TRIM37: variants seen among roughly 807,000 people sequenced by gnomAD.
The protein encoded by TRIM37 is E3 ubiquitin-protein ligase TRIM37.
TRIM37 carries 80 observed loss-of-function variants against 129.8 expected under a neutral mutation model. That is an observed-to-expected ratio of 0.62 (90% CI 0.51 to 0.74). TRIM37 has a LOEUF of 0.74. Among genes scored for constraint, TRIM37 ranks in the 30% least tolerant of loss-of-function variants. The pLI, the probability that TRIM37 is intolerant of heterozygous loss-of-function variation, is 0.00. For synonymous variants in TRIM37, 389 were observed against 387.1 expected, an observed-to-expected ratio of 1.00 and a Z score of -0.06; for missense variants, 1,054 against 1,176.5, an observed-to-expected ratio of 0.90 and a Z score of 1.52.
At chr17:59,091,449 TAATATATA>T (rs2044302764) in intron 2 of TRIM37, 109 bp from the exon 3 acceptor site, 1 of 206,598 alleles carries the variant, frequency 4.8e-6, no homozygotes, top group South Asian at 1.1e-4. Flanking sequence ...TTAATATATA[TAATATATA>T]AATATATAAT....
Position 59,095,387 on chromosome 17 carries a change from G to T in TRIM37, c.124-4047C>A, listed in dbSNP as rs2044752851. Among the ~76,000 whole-genome samples the T allele has an allele frequency of 3.3e-5, 5 of 151,954 alleles. No homozygotes were observed. In the South Asian group the frequency reaches 1.0e-3, roughly 32 times the overall value. ...GGTTCATTGGATTTAGCAAAACTGA[G>T]TCTACACTTTGCAGGAGCTATGTGA... is the stretch of plus-strand genomic sequence containing the variant. On this transcript the variant is annotated intron_variant, in intron 2 of 23. Transcript: ENST00000262294.
chr17:59,103,659 T>C (rs1479813934), intron 2 of TRIM37, among the ~76,000 whole-genome samples: 34 of 149,916 alleles, frequency 2.3e-4, no homozygotes, highest in Admixed American at 2.3e-3. Context: ...AGTTTTTTTT[T>C]TTTTTTTGAG....
At chr17:58,984,471 T>C (rs1257063126) in intron 24 of TRIM37, 2 of 152,688 alleles carry the variant, frequency 1.3e-5, no homozygotes, top group Admixed American at 6.5e-5. Flanking sequence ...TTAAACCTAA[T>C]TTATTCACTC....
intron 22 of TRIM37, among the ~76,000 whole-genome samples, chr17:59,007,438 T>C (rs896662778): frequency 1.3e-5 from 2 of 152,134 alleles, no homozygotes; most frequent in African/African-American, 4.8e-5. Context: ...TGGCAGGCCA[T>C]CAGGCTTTGT....
downstream of TRIM37, chr17:58,982,527 G>GT (rs975437313): frequency 4.9e-6 from 1 of 203,186 alleles, no homozygotes; most frequent in Non-Finnish European, 1.0e-5. Flanking sequence ...GATAGTACAC[G>GT]TTCCCCAGGC....
downstream of TRIM37, among the ~76,000 whole-genome samples, chr17:58,994,391 T>C (rs991176552): frequency 6.6e-6 from 1 of 152,164 alleles, no homozygotes; most frequent in African/African-American, 2.4e-5. Flanking sequence ...AGCATTTACA[T>C]TGTATTAGGT....
At chr17:59,076,831 C>A (rs907097537) in intron 7 of TRIM37, among the ~76,000 whole-genome samples, 1 of 151,918 alleles carries the variant, frequency 6.6e-6, no homozygotes, top group Non-Finnish European at 1.5e-5. Context: ...TCTTGTTGCC[C>A]AGGCTAGAAT....
intron 4 of TRIM37, chr17:59,087,877 TAAC>T (rs933909561): frequency 1.6e-4 from 35 of 218,646 alleles, no homozygotes; most frequent in Middle Eastern, 1.8e-3. Flanking sequence ...CTGCTCCCCA[TAAC>T]AACTCTCCAG....
intron 9 of TRIM37, among the ~76,000 whole-genome samples, chr17:59,069,045 T>C (rs896012880): frequency 6.6e-6 from 1 of 152,116 alleles, no homozygotes; most frequent in African/African-American, 2.4e-5. Context: ...TTATATGATA[T>C]ACTCTAGTAC....
At chr17:59,010,609 C>T (rs976463927) in intron 22 of TRIM37, among the ~76,000 whole-genome samples, 4 of 152,160 alleles carry the variant, frequency 2.6e-5, no homozygotes, top group Non-Finnish European at 4.4e-5. Context: ...TCTCCTGCCT[C>T]AGCCTCCCAA....
At position 59,070,803 on chromosome 17, in the gene TRIM37, A is replaced by C; in HGVS notation, c.809+20T>G. The C allele has an allele frequency of 1.9e-6, 3 of 1,613,018 alleles. No homozygotes were observed. Among genetic ancestry groups the C allele is most frequent in the Non-Finnish European group, 2.5e-6 (3 of 1,179,284 alleles). On this transcript the variant is annotated intron_variant, in intron 9 of 23. Coordinates refer to ENST00000262294, the MANE Select transcript of TRIM37 (RefSeq NM_015294.6). ...CCACATAAATTTCAAATGAAAATGA[A>C]ATTAAAAACTGTGTCATACCTGGTA... is the stretch of plus-strand genomic sequence containing the variant.
At position 58,990,178 on chromosome 17, in the gene TRIM37, C is replaced by CA. The variant is rs35076409; in HGVS notation, c.2892-7258dup. Among the ~76,000 whole-genome samples the CA allele has an allele frequency of 2.1e-3, 53 of 25,618 alleles. 8 individuals are homozygous for CA. Among genetic ancestry groups the CA allele is most frequent in the African/African-American group, 8.0e-3 (47 of 5,904 alleles). The allele number at this position is 25,618 out of a possible 152,430, so 16.8% of individuals were successfully genotyped here. A position where few individuals can be genotyped will look rare whatever the true frequency, so the allele number is the denominator to read the frequency against. Reference sequence around the variant, plus strand: ...TGGGTGACAAAGCAAGACCTTGTCTCAAAAAAAAAAAAAAAAAAAAAAAAA... The same window carrying CA: ...TGGGTGACAAAGCAAGACCTTGTCTCAAAAAAAAAAAAAAAAAAAAAAAAAA... On this transcript the variant is annotated intron_variant, in intron 24 of 24. Coordinates refer to the TRIM37 transcript ENST00000393066.
chr17:59,015,724 A>AT lies in TRIM37; in HGVS notation c.2461dup (p.Ile821AsnfsTer6). The AT allele has an allele frequency of 1.9e-6, 3 of 1,614,152 alleles. No individual in the cohort carries two copies. The highest frequency in any genetic ancestry group is 2.5e-6 in the Non-Finnish European group (3 of 1,180,030). On this transcript the variant is annotated frameshift_variant, in exon 21 of 24. Transcript: ENST00000262294. LOFTEE classifies it high-confidence loss of function. Reference sequence around the variant, plus strand: ...CTGCCGGTCTTCAGTTTTTGGCAGAATATCACCGATACTGCCATGTATCAA... The same window carrying AT: ...CTGCCGGTCTTCAGTTTTTGGCAGAATTATCACCGATACTGCCATGTATCAA...
At chr17:59,079,610 C>T (rs1568190871) in intron 7 of TRIM37, 144 bp downstream of exon 7, 11 of 1,047,502 alleles carry the variant, frequency 1.1e-5, no homozygotes, top group Non-Finnish European at 1.4e-5. Context: ...ACAAGTCTAA[C>T]ATTTATCTGT....
chr17:59,035,196 G>A (rs2038326467), intron 17 of TRIM37, among the ~76,000 whole-genome samples: 1 of 151,752 alleles, frequency 6.6e-6, no homozygotes, highest in Non-Finnish European at 1.5e-5. Context: ...AGTAGCTGGG[G>A]TTACAAGCGT....
chr17:58,998,589 G>A lies in TRIM37; in HGVS notation c.*788C>T, dbSNP rs1251284297. 1 of 985,174 alleles carries A rather than the reference G, an allele frequency of 1.0e-6. No individual in the cohort carries two copies. The highest frequency in any genetic ancestry group is 1.2e-6 in the Non-Finnish European group (1 of 829,896). The allele number at this position is 985,174 out of a possible 1,614,324, so 61.0% of individuals were successfully genotyped here. A position where few individuals can be genotyped will look rare whatever the true frequency, so the allele number is the denominator to read the frequency against. On this transcript the variant is annotated 3_prime_UTR_variant, in exon 24 of 24. Transcript: ENST00000262294. ...ACACTGAAATCAATGTACAACTAATGAAAATAAAGAAGAAAAGGGGGCTTT... is the reference window on the plus strand; with the variant it reads ...ACACTGAAATCAATGTACAACTAATAAAAATAAAGAAGAAAAGGGGGCTTT...
At chr17:59,105,821 GT>G (rs1486436093) in intron 1 of TRIM37, among the ~76,000 whole-genome samples, 1 of 152,114 alleles carries the variant, frequency 6.6e-6, no homozygotes, top group Non-Finnish European at 1.5e-5. Flanking sequence ...TATCTGAAAG[GT>G]TCAAAATTTG....
chr17:59,045,530 T>C (rs866829885), intron 16 of TRIM37, among the ~76,000 whole-genome samples: 2 of 150,530 alleles, frequency 1.3e-5, no homozygotes, highest in Non-Finnish European at 3.0e-5. Context: ...TCCCAGCTAC[T>C]TGGGAGGCTG....
At chr17:59,091,884 T>C (rs543444708) in intron 2 of TRIM37, among the ~76,000 whole-genome samples, 12 of 151,746 alleles carry the variant, frequency 7.9e-5, no homozygotes, top group Non-Finnish European at 1.6e-4. Flanking sequence ...CTATATAATC[T>C]TATTATTGTC....
Sources: allele counts gnomAD v4.1 joint callset (sites outside exome capture counted in the v4.1 genomes callset), GRCh38; gene constraint gnomAD v4.1.1; transcripts MANE v1.5; gene names NCBI Gene and HGNC (gene_info 2026-07-23, HGNC 2026-07-21).